Variants in UNKL observed in about 807,000 individuals in gnomAD.
The protein encoded by UNKL is unk like zinc finger.
In UNKL, 60 loss-of-function variants were observed where a neutral mutation model predicts 78.0. The observed-to-expected ratio is 0.77, with a 90% CI of 0.63 to 0.95. The LOEUF is 0.95. Ranked by LOEUF, UNKL falls within the 40% of genes least tolerant of loss-of-function variation. The probability of loss-of-function intolerance (pLI) is 0.00; values close to 1 mark genes in which losing one functional copy is unlikely to be tolerated. For synonymous variants in UNKL, 608 were observed against 474.8 expected, an observed-to-expected ratio of 1.28 and a Z score of -3.65; for missense variants, 1,159 against 1,045.7, an observed-to-expected ratio of 1.11 and a Z score of -1.49.
intron 2 of UNKL, among the ~76,000 whole-genome samples, chr16:1,413,223 G>A (rs1216015902): frequency 2.4e-5 from 3 of 123,622 alleles, no homozygotes; most frequent in African/African-American, 9.7e-5. Context: ...CAGCCCCAGC[G>A]ACAGAGCAAG....
At chr16:1,413,243 C>CAAAAAAA (rs546295462) in intron 2 of UNKL, among the ~76,000 whole-genome samples, 3 of 71,648 alleles carry the variant, frequency 4.2e-5, no homozygotes, top group Non-Finnish European at 7.9e-5. Context: ...GACCCTGTCT[C>CAAAAAAA]AAAAAAAAAA....
At chr16:1,408,302 GC>G (rs1487366306) in intron 2 of UNKL, among the ~76,000 whole-genome samples, 10 of 151,970 alleles carry the variant, frequency 6.6e-5, no homozygotes, top group African/African-American at 2.4e-4. Flanking sequence ...CGGGGGCGGG[GC>G]TTCACACGTG....
In UNKL at chr16:1,367,683, C is replaced by A; in HGVS notation, c.1761G>T (p.Trp587Cys). The A allele has an allele frequency of 6.3e-7, 1 of 1,578,454 alleles. No individual in the cohort carries two copies. Among genetic ancestry groups the A allele is most frequent in the South Asian group, 1.2e-5 (1 of 85,646 alleles). Residue 587 changes from tryptophan (W) to cysteine (C), a missense_variant, in exon 13 of 15, where the codon TGG (tryptophan) becomes TGT (cysteine). By Grantham distance (215) the Trp-to-Cys change is radical. Transcript: ENST00000389221. Reference protein sequence around the residue: ...LDEAKRKIRQWEESWQQVKQV... With the variant: ...LDEAKRKIRQCEESWQQVKQV... ...GCTTCACCTGCTGCCAGGACTCCTC[C>A]CACTGCCGGATCTTCCTCTTGGCCT...
At chr16:1,390,555 G>C in intron 9 of UNKL, 77 bp downstream of exon 9, 1 of 1,470,762 alleles carries the variant, frequency 6.8e-7, no homozygotes, top group Non-Finnish European at 9.2e-7. Context: ...CGATGCCACG[G>C]GTCAGGCACG....
intron 10 of UNKL, among the ~76,000 whole-genome samples, 154 bp from the exon 11 acceptor site, chr16:1,371,765 A>T (rs1226653947): frequency 1.3e-5 from 2 of 152,154 alleles, no homozygotes; most frequent in African/African-American, 4.8e-5. Flanking sequence ...GGACACCCCC[A>T]GCCCGTCCTC....
chr16:1,399,439 G>A lies in UNKL; in HGVS notation c.669C>T (p.Gly223=). The stretch of plus-strand genomic sequence containing the variant: ...TATTGTGGTAGTGTGGGCACGCATA[G>A]CCCTGGCGGCACAGGCGTGGCGGCT... ...CPKPPRLCRQ[G]YACPHYHNSR... The change falls in exon 5 of 15, where the codon GGC becomes GGT. Residue 223 remains glycine (G), a synonymous_variant. Coordinates refer to ENST00000389221, the MANE Select transcript of UNKL (RefSeq NM_001372107.1). This position sits in a 1 kb window ranked among gnomAD's most constrained non-coding sequence, Gnocchi z 5.8. The A allele has an allele frequency of 6.2e-7, 1 of 1,605,758 alleles. No homozygotes were observed. Among genetic ancestry groups the A allele is most frequent in the Non-Finnish European group, 8.5e-7 (1 of 1,176,872 alleles).
chr16:1,380,371 C>T (rs1173246496), intron 10 of UNKL, among the ~76,000 whole-genome samples: 1 of 152,212 alleles, frequency 6.6e-6, no homozygotes, highest in East Asian at 1.9e-4. Flanking sequence ...CCAGGCGGGC[C>T]TACACCTGGG....
rs765903048 is a variant in UNKL at position 1,403,294 on chromosome 16, A to G, written c.338T>C (p.Leu113Pro). The change falls in exon 3 of 15, where the codon CTG becomes CCG. Residue 113 changes from leucine to proline, a missense_variant. By Grantham distance (98) the Leu-to-Pro change is moderately conservative. Transcript: ENST00000389221. This position sits in a 1 kb window ranked among gnomAD's most constrained non-coding sequence, Gnocchi z 4.8. Reference protein sequence around the residue: ...TTGDTERKYHLRYYKTGTCIH... With the variant: ...TTGDTERKYHPRYYKTGTCIH... ...GCAGGTTCCTGTTTTGTAGTAACGCAGGTGGTACTTGCGTTCTGTGTCCCC... is the reference window on the plus strand; with the variant it reads ...GCAGGTTCCTGTTTTGTAGTAACGCGGGTGGTACTTGCGTTCTGTGTCCCC... The G allele has an allele frequency of 1.7e-5, 28 of 1,614,072 alleles. 1 individual carries two copies. Among genetic ancestry groups the G allele is most frequent in the Admixed American group, 6.7e-5 (4 of 60,006 alleles).
At chr16:1,385,794 C>T (rs1349167885) in intron 9 of UNKL, among the ~76,000 whole-genome samples, 1 of 152,240 alleles carries the variant, frequency 6.6e-6, no homozygotes, top group East Asian at 1.9e-4. Context: ...CCCCGGCTCT[C>T]GCCCAGGACT....
chr16:1,398,397 C>G (rs539427430), intron 5 of UNKL: 1 of 1,025,600 alleles, frequency 9.8e-7, no homozygotes, highest in Non-Finnish European at 1.2e-6. Context: ...CTTTCCATGA[C>G]GGGCGATGAC....
chr16:1,376,060 G>T (rs1287184326), intron 10 of UNKL, among the ~76,000 whole-genome samples: 1 of 150,266 alleles, frequency 6.7e-6, no homozygotes, highest in African/African-American at 2.5e-5. Context: ...GGCGGGCAGG[G>T]CCTCTTCCCT....
At position 1,394,227 on chromosome 16, in the gene UNKL, A is replaced by G. The variant is rs779993560; in HGVS notation, c.853-12T>C. The G allele has an allele frequency of 7.3e-5, 113 of 1,550,354 alleles. 1 individual carries two copies. The South Asian group carries it at 1.3e-3, about 18-fold the overall frequency. ...GTAGATTTGTAGATCTGGGGAAAAA[A>G]GTGAAATAAAGAGGTTGGATTGGAA... On this transcript the variant is annotated splice_polypyrimidine_tract_variant and intron_variant, in intron 6 of 14. Coordinates refer to ENST00000389221, the MANE Select transcript of UNKL (RefSeq NM_001372107.1).
intron 10 of UNKL, chr16:1,379,519 C>CGCGGGGGACGCACCTG: frequency 1.3e-5 from 13 of 985,264 alleles, no homozygotes; most frequent in South Asian, 9.4e-5. Context: ...GGCTCCGTGA[C>CGCGGGGGACGCACCTG]GCGGGGGACG....
Position 1,409,770 on chromosome 16 carries a change from C to T in UNKL, c.287+4076G>A, listed in dbSNP as rs114623324. Among the ~76,000 whole-genome samples the T allele has an allele frequency of 6.9e-3, 1,053 of 152,224 alleles. 6 individuals carry two copies. Among genetic ancestry groups the T allele is most frequent in the African/African-American group, 0.023 (961 of 41,532 alleles). ...CAGTGAGGCTGAGTCCACACCAAGA[C>T]ACCCAGACTCCGCAACAAAAACTTA... On this transcript the variant is annotated intron_variant, in intron 2 of 14. Coordinates refer to ENST00000389221, the MANE Select transcript of UNKL (RefSeq NM_001372107.1).
intron 10 of UNKL, among the ~76,000 whole-genome samples, chr16:1,374,883 A>G (rs1314331363): frequency 6.6e-6 from 1 of 152,246 alleles, no homozygotes; most frequent in East Asian, 1.9e-4. Flanking sequence ...AGACATTTTC[A>G]GCATAATCAG....
chr16:1,392,575 C>T (rs1348183372), intron 8 of UNKL, among the ~76,000 whole-genome samples: 18 of 152,320 alleles, frequency 1.2e-4, no homozygotes, highest in African/African-American at 3.8e-4. Context: ...GCTGGGATTA[C>T]AGGCACCCAC....
chr16:1,396,783 C>T (rs1489527118), intron 6 of UNKL, among the ~76,000 whole-genome samples: 2 of 151,936 alleles, frequency 1.3e-5, no homozygotes, highest in Admixed American at 1.3e-4. Flanking sequence ...TTAGTAGAAA[C>T]GGGGTTTTGC....
At chr16:1,375,367 G>A (rs1171334718) in intron 10 of UNKL, among the ~76,000 whole-genome samples, 2 of 152,094 alleles carry the variant, frequency 1.3e-5, no homozygotes, top group African/African-American at 4.8e-5. Context: ...CAAGGCAGAG[G>A]CCACCCCCAC....
chr16:1,400,686 T>C (rs1344628766), intron 4 of UNKL, among the ~76,000 whole-genome samples: 2 of 151,892 alleles, frequency 1.3e-5, no homozygotes, highest in Non-Finnish European at 2.9e-5. Flanking sequence ...ATGTTGTGTG[T>C]ATTTTACATT....
Sources: gnomAD v4.1 joint callset for allele counts (sites outside exome capture counted in the v4.1 genomes callset) on GRCh38, gnomAD v4.1.1 for gene constraint, Gnocchi (gnomAD v3.1) non-coding constraint, MANE v1.5 for transcripts, NCBI Gene and HGNC (gene_info 2026-07-23, HGNC 2026-07-21) for gene names.